The following PRKG1 variants were observed in gnomAD, a reference collection of about 807,000 sequenced individuals.
PRKG1 encodes the protein cGMP-dependent protein kinase 1.
PRKG1 carries 35 observed loss-of-function variants against 88.1 expected under a neutral mutation model. The observed-to-expected ratio is 0.40, with a 90% CI of 0.30 to 0.53. The LOEUF (loss-of-function observed/expected upper bound fraction) is 0.53, where lower values mean the gene tolerates loss of function less well. Among genes scored for constraint, PRKG1 ranks in the 20% least tolerant of loss-of-function variants. The pLI is 0.59. For missense variants in PRKG1, 540 were observed against 839.8 expected (o/e 0.64, Z 4.41); for synonymous variants, 303 against 292.5 (o/e 1.04, Z -0.37).
At chr10:52,020,254 C>T (rs1392740346) in intron 5 of PRKG1, among the ~76,000 whole-genome samples, 2 of 152,122 alleles carry the variant, frequency 1.3e-5, no homozygotes, top group African/African-American at 4.8e-5. Flanking sequence ...AACTGTCTCT[C>T]CAGTAGATTA....
intron 2 of PRKG1, among the ~76,000 whole-genome samples, chr10:51,178,243 A>G (rs771906542): frequency 6.6e-6 from 1 of 151,946 alleles, no homozygotes; most frequent in Admixed American, 6.5e-5. Context: ...TATCATACAT[A>G]TGTATTATAA....
chr10:51,558,988 A>G (rs1279048311), intron 3 of PRKG1, among the ~76,000 whole-genome samples: 1 of 152,112 alleles, frequency 6.6e-6, no homozygotes, highest in Non-Finnish European at 1.5e-5. Flanking sequence ...ATTTTGAGAG[A>G]GAAAAAGAGA....
chr10:51,398,477 G>A (rs569098379), intron 2 of PRKG1, among the ~76,000 whole-genome samples: 4 of 152,238 alleles, frequency 2.6e-5, no homozygotes, highest in African/African-American at 9.6e-5. Context: ...CAGGATTTGA[G>A]GACCCCTGCC....
intron 8 of PRKG1, among the ~76,000 whole-genome samples, chr10:52,152,783 C>T (rs945520225): frequency 7.9e-5 from 12 of 151,964 alleles, no homozygotes; most frequent in Admixed American, 2.6e-4. Flanking sequence ...AGTTGAGACC[C>T]AAAGATAATA....
At chr10:51,852,734 A>T (rs1237853546) in intron 4 of PRKG1, among the ~76,000 whole-genome samples, 1 of 152,176 alleles carries the variant, frequency 6.6e-6, no homozygotes, top group Non-Finnish European at 1.5e-5. Context: ...AAATACTTTG[A>T]TCCATGAGTT....
At chr10:51,504,714 T>A (rs1841142849) in intron 3 of PRKG1, among the ~76,000 whole-genome samples, 1 of 152,168 alleles carries the variant, frequency 6.6e-6, no homozygotes, top group Non-Finnish European at 1.5e-5. Flanking sequence ...TTCCTAGGTA[T>A]TTTATTCTCT....
chr10:52,228,138 GT>G (rs1840435043), intron 9 of PRKG1, among the ~76,000 whole-genome samples: 1 of 152,056 alleles, frequency 6.6e-6, no homozygotes, highest in South Asian at 2.1e-4. Flanking sequence ...CAGAACACTG[GT>G]GATGTTTTCT....
intron 4 of PRKG1, among the ~76,000 whole-genome samples, chr10:51,894,785 T>C (rs1841802758): frequency 6.6e-6 from 1 of 152,216 alleles, no homozygotes; most frequent in Non-Finnish European, 1.5e-5. Context: ...ACAACAGTTT[T>C]AGGATTTGTG....
intron 2 of PRKG1, among the ~76,000 whole-genome samples, chr10:51,275,133 A>G (rs1426667086): frequency 6.6e-6 from 1 of 152,242 alleles, no homozygotes; most frequent in Non-Finnish European, 1.5e-5. Flanking sequence ...GAAAGGGTAA[A>G]GTATTGGACA....
In PRKG1 at chr10:51,697,902, C is replaced by G. The variant is rs1166761636; in HGVS notation, c.593-106683C>G. ...TGGCTTCCACCTTGCTTGCTTGCCC[C>G]CTGTATACCTCCTCCTTGTATACCT... On this transcript the variant is annotated intron_variant, in intron 3 of 17. Transcript: ENST00000373980. 20 of 1,608,490 alleles carry G rather than the reference C, an allele frequency of 1.2e-5. 1 individual carries two copies. In the South Asian group the frequency reaches 2.1e-4, roughly 17 times the overall value.
chr10:51,210,996 G>A (rs1210165465), intron 2 of PRKG1, among the ~76,000 whole-genome samples: 3 of 152,090 alleles, frequency 2.0e-5, no homozygotes, highest in Admixed American at 6.5e-5. Context: ...CCAAAGCCTG[G>A]CAGAGACACA....
intron 1 of PRKG1, among the ~76,000 whole-genome samples, chr10:51,044,804 C>A (rs971502026): frequency 5.9e-5 from 9 of 152,158 alleles, no homozygotes; most frequent in Non-Finnish European, 8.8e-5. Flanking sequence ...AAAGTGATAA[C>A]CCTTAAGAAA....
At chr10:51,292,728 C>CT (rs1840615674) in intron 2 of PRKG1, among the ~76,000 whole-genome samples, 1 of 152,048 alleles carries the variant, frequency 6.6e-6, no homozygotes, top group African/African-American at 2.4e-5. Flanking sequence ...AAATATTTTC[C>CT]TTTTCTAGGT....
chr10:52,272,099 T>C (rs1841744088), intron 11 of PRKG1, among the ~76,000 whole-genome samples: 1 of 152,136 alleles, frequency 6.6e-6, no homozygotes, highest in Non-Finnish European at 1.5e-5. Context: ...CCCAAGGGTC[T>C]ATGCTCAAAA....
At chr10:51,477,299 A>T (rs1031286721) in intron 3 of PRKG1, among the ~76,000 whole-genome samples, 1 of 150,592 alleles carries the variant, frequency 6.6e-6, no homozygotes, top group Non-Finnish European at 1.5e-5. Flanking sequence ...AAAGACAGAA[A>T]GATTACAAGG....
At chr10:51,111,653 T>G (rs1346564968) in intron 1 of PRKG1, among the ~76,000 whole-genome samples, 1 of 152,154 alleles carries the variant, frequency 6.6e-6, no homozygotes, top group Non-Finnish European at 1.5e-5. Flanking sequence ...AGGATGCTTA[T>G]AAGAGTTGCT....
intron 9 of PRKG1, among the ~76,000 whole-genome samples, chr10:52,183,288 T>A (rs1839093317): frequency 6.6e-6 from 1 of 152,152 alleles, no homozygotes; most frequent in Admixed American, 6.5e-5. Context: ...CATGGGGCTT[T>A]TGGGCAGGAC....
intron 9 of PRKG1, among the ~76,000 whole-genome samples, chr10:52,201,033 G>T (rs192283632): frequency 1.4e-3 from 220 of 152,090 alleles, no homozygotes; most frequent in Middle Eastern, 3.4e-3. Context: ...AGTTTCTTTT[G>T]CTTTGCAGAA....
intron 3 of PRKG1, among the ~76,000 whole-genome samples, chr10:51,599,081 G>A (rs371763878): frequency 4.6e-5 from 7 of 152,198 alleles, no homozygotes; most frequent in African/African-American, 1.4e-4. Flanking sequence ...AAATTTGACA[G>A]ACTTTGGATG....
Sources: allele counts gnomAD v4.1 joint callset (sites outside exome capture counted in the v4.1 genomes callset), GRCh38; gene constraint gnomAD v4.1.1; transcripts MANE v1.5; gene names NCBI Gene and HGNC (gene_info 2026-07-23, HGNC 2026-07-21).